The following MX1 variants were observed in gnomAD, a reference collection of about 807,000 sequenced individuals.
MX1 encodes interferon-induced GTP-binding protein Mx1.
A neutral mutation model predicts 66.4 loss-of-function variants in MX1; 66 were observed. The observed-to-expected ratio is 0.99, with a 90% CI of 0.82 to 1.22. The LOEUF is 1.22. Among genes scored for constraint, MX1 ranks in the 50% most tolerant of loss-of-function variants. The probability of loss-of-function intolerance (pLI) is 0.00; values close to 1 mark genes in which losing one functional copy is unlikely to be tolerated. For missense variants in MX1, 787 were observed against 834.3 expected (o/e 0.94, Z 0.70); for synonymous variants, 311 against 318.1 (o/e 0.98, Z 0.24).
intron 16 of MX1, among the ~76,000 whole-genome samples, chr21:41,456,947 A>G (rs1188432123): frequency 6.6e-6 from 1 of 152,106 alleles, no homozygotes; most frequent in Non-Finnish European, 1.5e-5. Context: ...TTTTCAGTAG[A>G]GACGGGGTTT....
chr21:41,442,495 TC>T (rs2090548358), intron 10 of MX1, among the ~76,000 whole-genome samples: 2 of 152,216 alleles, frequency 1.3e-5, no homozygotes, highest in Admixed American at 1.3e-4. Context: ...ATAAGATTTT[TC>T]TATCCCTCCT....
intron 7 of MX1, among the ~76,000 whole-genome samples, chr21:41,438,055 A>G (rs2090412473): frequency 6.6e-6 from 1 of 152,248 alleles, no homozygotes; most frequent in Non-Finnish European, 1.5e-5. Flanking sequence ...ACATCTTCCT[A>G]TCGACCTTCA....
chr21:41,452,826 C>T lies in MX1; in HGVS notation c.1715C>T (p.Ser572Phe). ...GAFQSSSATD[S>F]SMEEIFQHLM... is the part of the protein sequence containing the mutation. ...TTCCAGTCCAGCTCGGCAACAGACTCTTCCATGGAGGAGATCTTTCAGCAC... is the reference window on the plus strand; with the variant it reads ...TTCCAGTCCAGCTCGGCAACAGACTTTTCCATGGAGGAGATCTTTCAGCAC... Residue 572 changes from serine (S) to phenylalanine (F), a missense_variant, in exon 16 of 17, where the codon TCT (serine) becomes TTT (phenylalanine). Ser to Phe is a radical substitution (Grantham distance 155, BLOSUM62 -2). Transcript: ENST00000398598. 1 of 1,614,204 alleles carries T rather than the reference C, an allele frequency of 6.2e-7. No individual in the cohort carries two copies. The highest frequency in any genetic ancestry group is 1.7e-5 in the Admixed American group (1 of 60,018).
chr21:41,442,024 TGCGTGTGTGTGTGTGC>T lies in MX1; in HGVS notation c.929+124_929+139del, dbSNP rs532841591. 7,287 of 986,620 alleles carry T rather than the reference TGCGTGTGTGTGTGTGC, an allele frequency of 7.4e-3. 51 individuals are homozygous for T. Among genetic ancestry groups the T allele is most frequent in the South Asian group, 0.043 (2,879 of 66,660 alleles). The allele number at this position is 986,620 out of a possible 1,614,324, so 61.1% of individuals were successfully genotyped here. A position where few individuals can be genotyped will look rare whatever the true frequency, so the allele number is the denominator to read the frequency against. ...TGTGTGGAGTGTGTGTGTGTGTGTGTGCGTGTGTGTGTGTGCGCGTGTGTGTGTGACTATGCTTGTT... is the reference window on the plus strand; with the variant it reads ...TGTGTGGAGTGTGTGTGTGTGTGTGTGCGTGTGTGTGTGACTATGCTTGTT... On this transcript the variant is annotated intron_variant, in intron 10 of 16. Transcript: ENST00000398598.
At position 41,458,808 on chromosome 21, in the gene MX1, T is replaced by C. The variant is rs1320857475; in HGVS notation, c.*50T>C. 1.3e-6 allele frequency: 2 copies of C among 1,572,602 alleles called. No homozygotes were observed. Among genetic ancestry groups the C allele is most frequent in the Non-Finnish European group, 1.7e-6 (2 of 1,161,994 alleles). On this transcript the variant is annotated 3_prime_UTR_variant, in exon 17 of 17. Transcript: ENST00000398598. Reference sequence around the variant, plus strand: ...CGTGCACGCACACTGTCTGCCCCCGTTCCCGGGTAGCCACTGGACTGACGA... The same window carrying C: ...CGTGCACGCACACTGTCTGCCCCCGCTCCCGGGTAGCCACTGGACTGACGA...
At position 41,432,118 on chromosome 21, in the gene MX1, A is replaced by G. The variant is rs150522777; in HGVS notation, c.48A>G (p.Ala16=). The G allele has an allele frequency of 6.2e-7, 1 of 1,614,220 alleles. No individual in the cohort carries two copies. The highest frequency in any genetic ancestry group is 2.2e-5 in the East Asian group (1 of 44,888). The change falls in exon 5 of 17, where the codon GCA becomes GCG. Residue 16 remains alanine (A), a synonymous_variant. Transcript: ENST00000398598. ...VDIAKADPAA[A]SHPLLLNGDA... ...TCGCAAAAGCTGATCCAGCTGCTGC[A>G]TCCCACCCTCTATTACTGAATGGAG...
chr21:41,452,861 T>C lies in MX1; in HGVS notation c.1750T>C (p.Tyr584His). The change falls in exon 16 of 17, where the codon TAT (tyrosine) becomes CAT (histidine). Residue 584 changes from tyrosine to histidine, a missense_variant. By Grantham distance (83) the Tyr-to-His change is moderately conservative. Transcript: ENST00000398598. The stretch of plus-strand genomic sequence containing the variant: ...GGAGATCTTTCAGCACCTGATGGCC[T>C]ATCACCAGGTACGTCTTCGCGTGGT... ...MEEIFQHLMA[Y>H]HQEASKRISS... 6.2e-7 allele frequency: 1 copy of C among 1,614,022 alleles called. No individual in the cohort carries two copies. The highest frequency in any genetic ancestry group is 8.5e-7 in the Non-Finnish European group (1 of 1,179,946).
At chr21:41,431,994 A>G (rs2090227487) in intron 4 of MX1, 56 bp from the exon 5 acceptor site, 3 of 1,471,780 alleles carry the variant, frequency 2.0e-6, no homozygotes, top group African/African-American at 1.4e-5. Flanking sequence ...GTTTGGTTCC[A>G]TGGTTGAATG....
intron 11 of MX1, among the ~76,000 whole-genome samples, chr21:41,444,318 CTTTTTTTT>C (rs11317486): frequency 1.4e-5 from 1 of 71,526 alleles, no homozygotes; most frequent in South Asian, 6.5e-4. Context: ...TCTTTTCTTT[CTTTTTTTT>C]TTTTTTTTTT....
intron 5 of MX1, among the ~76,000 whole-genome samples, chr21:41,434,416 A>G (rs2090304885): frequency 6.6e-6 from 1 of 152,242 alleles, no homozygotes; most frequent in Admixed American, 6.5e-5. Flanking sequence ...CATTTTGACT[A>G]AGAATATTTA....
Position 41,441,979 on chromosome 21 carries a change from A to G in MX1, c.929+65A>G. 6.5e-7 allele frequency: 1 copy of G among 1,536,266 alleles called. No individual in the cohort carries two copies. The highest frequency in any genetic ancestry group is 1.1e-5 in the South Asian group (1 of 88,954). On this transcript the variant is annotated intron_variant, in intron 10 of 16. Coordinates refer to ENST00000398598, the MANE Select transcript of MX1 (RefSeq NM_002462.5). This position sits in a 1 kb window ranked among gnomAD's most constrained non-coding sequence, Gnocchi z 4.0. ...CAGGATGTCAGGCCTTCCAGGGGAC[A>G]GTGGCAGCCGTCCCACAGATGTGTG...
chr21:41,435,016 T>C (rs2090321191), intron 5 of MX1, among the ~76,000 whole-genome samples: 1 of 152,244 alleles, frequency 6.6e-6, no homozygotes, highest in African/African-American at 2.4e-5. Flanking sequence ...TGCCTTCATT[T>C]TTAAAAGTTA....
At position 41,436,987 on chromosome 21, in the gene MX1, G is replaced by A. The variant is rs1374535503; in HGVS notation, c.299-28G>A. 5 of 1,612,570 alleles carry A rather than the reference G, an allele frequency of 3.1e-6. No homozygotes were observed. The African/African-American group carries it at 5.3e-5, about 17-fold the overall frequency. ...ATGTAGGTCTTTTAAGAGCAAAGTG[G>A]AGCACTGATGTGGGCGTGGCCTCCT... On this transcript the variant is annotated intron_variant, in intron 6 of 16. Coordinates refer to ENST00000398598, the MANE Select transcript of MX1 (RefSeq NM_002462.5).
At chr21:41,452,352 G>A (rs1406004032) in intron 15 of MX1, among the ~76,000 whole-genome samples, 1 of 152,196 alleles carries the variant, frequency 6.6e-6, no homozygotes. Flanking sequence ...TGAGTTACGG[G>A]GCCTGAAAGC....
At chr21:41,451,850 A>G (rs1023762475) in intron 15 of MX1, among the ~76,000 whole-genome samples, 9 of 69,776 alleles carry the variant, frequency 1.3e-4, no homozygotes, top group African/African-American at 4.8e-4. Flanking sequence ...AAAAAAAAAA[A>G]ACAAACAAAA....
At chr21:41,450,233 T>A (rs1213687972) in intron 14 of MX1, among the ~76,000 whole-genome samples, 1 of 151,804 alleles carries the variant, frequency 6.6e-6, no homozygotes, top group Non-Finnish European at 1.5e-5. Flanking sequence ...TGGAGTGCTG[T>A]AGGAATCTAG....
rs938073194 is a variant in MX1, at chr21:41,441,456, G to A, written c.731-260G>A. 1.3e-5 allele frequency: 7 copies of A among 545,888 alleles called. No individual in the cohort carries two copies. Among genetic ancestry groups the A allele is most frequent in the South Asian group, 4.2e-5 (2 of 47,302 alleles). 33.8% of individuals were successfully genotyped at this position (545,888 alleles called of 1,614,324 possible). A position where few individuals can be genotyped will look rare whatever the true frequency, so the allele number is the denominator to read the frequency against. ...ACTCAAGGGATAAACAAAACGTGGC[G>A]TGTTCTACAGTGGACCCGGGTGAAG... On this transcript the variant is annotated intron_variant, in intron 9 of 16. Transcript: ENST00000398598. This position sits in a 1 kb window ranked among gnomAD's most constrained non-coding sequence, Gnocchi z 4.0.
At chr21:41,444,627 C>G (rs1044650673) in intron 11 of MX1, among the ~76,000 whole-genome samples, 6 of 152,076 alleles carry the variant, frequency 3.9e-5, no homozygotes, top group African/African-American at 1.4e-4. Flanking sequence ...AGGGTTGTTT[C>G]CAGCCGACCA....
At chr21:41,439,644 C>T (rs778243233) in intron 7 of MX1, 50 bp from the exon 8 acceptor site, 14 of 1,567,790 alleles carry the variant, frequency 8.9e-6, no homozygotes, top group African/African-American at 5.4e-5. Flanking sequence ...TCATGAGATC[C>T]GTTTATCCTA....
Sources: gnomAD v4.1 joint callset for allele counts (sites outside exome capture counted in the v4.1 genomes callset) on GRCh38, gnomAD v4.1.1 for gene constraint, Gnocchi (gnomAD v3.1) non-coding constraint, MANE v1.5 for transcripts, NCBI Gene and HGNC (gene_info 2026-07-23, HGNC 2026-07-21) for gene names.